Variants in ALMS1 observed in about 807,000 individuals in gnomAD.
ALMS1 encodes ALMS1 centrosome and basal body associated protein, also known as centrosome-associated protein ALMS1.
In ALMS1, 271 loss-of-function variants were observed where a neutral mutation model predicts 352.2. That is an observed-to-expected ratio of 0.77 (90% CI 0.70 to 0.85). The LOEUF (loss-of-function observed/expected upper bound fraction) is 0.85, where lower values mean the gene tolerates loss of function less well. ALMS1 is among the 40% of genes least tolerant of loss of function. ALMS1 has a pLI of 0.00. For synonymous variants in ALMS1, 1,865 were observed against 1,761.2 expected (o/e 1.06, Z -1.48); for missense variants, 5,445 against 4,870.7 (o/e 1.12, Z -3.51).
intron 1 of ALMS1, among the ~76,000 whole-genome samples, chr2:73,389,044 A>G (rs1329633838): frequency 6.6e-6 from 1 of 152,154 alleles, no homozygotes; most frequent in African/African-American, 2.4e-5. Flanking sequence ...GAGTTGAACA[A>G]TTTACATTCC....
chr2:73,431,855 C>T (rs1057370337), intron 6 of ALMS1, among the ~76,000 whole-genome samples: 5 of 152,128 alleles, frequency 3.3e-5, no homozygotes, highest in African/African-American at 9.7e-5. Context: ...TCAAATTCTG[C>T]GATGATCATA....
Position 73,576,786 on chromosome 2 carries a change from A to AT in ALMS1, c.11547+3369dup, listed in dbSNP as rs995802395. 6.6e-5 allele frequency among the ~76,000 whole-genome samples: 10 copies of AT among 151,374 alleles called. No individual in the cohort carries two copies. In the East Asian group the frequency reaches 1.6e-3, roughly 24 times the overall value. ...CAGGTGCCTGACACCATGCCCAGCT[A>AT]TTTTTTTGGATTTTTAGTAGAGACA... On this transcript the variant is annotated intron_variant, in intron 16 of 22. Coordinates refer to ENST00000613296, the MANE Select transcript of ALMS1 (RefSeq NM_001378454.1).
intron 16 of ALMS1, among the ~76,000 whole-genome samples, chr2:73,595,194 TAAA>T (rs1243404115): frequency 6.6e-6 from 1 of 152,206 alleles, no homozygotes; most frequent in Non-Finnish European, 1.5e-5. Flanking sequence ...AGGTATACAA[TAAA>T]ATTTCATCCA....
intron 16 of ALMS1, among the ~76,000 whole-genome samples, chr2:73,582,292 T>G (rs1221074959): frequency 6.6e-6 from 1 of 152,238 alleles, no homozygotes; most frequent in Non-Finnish European, 1.5e-5. Context: ...TGGCTTTTTT[T>G]CATTCTGATG....
intron 9 of ALMS1, among the ~76,000 whole-genome samples, chr2:73,478,684 A>C (rs1252123785): frequency 8.0e-6 from 1 of 124,974 alleles, no homozygotes; most frequent in Non-Finnish European, 1.8e-5. Flanking sequence ...TTATTTATTT[A>C]TTTTACTTTA....
chr2:73,430,351 C>T (rs1213877252), intron 6 of ALMS1, among the ~76,000 whole-genome samples: 1 of 152,224 alleles, frequency 6.6e-6, no homozygotes, highest in Non-Finnish European at 1.5e-5. Flanking sequence ...GCTGGGATTA[C>T]AGGCGTGAAC....
chr2:73,595,417 T>C (rs1224849217), intron 16 of ALMS1, among the ~76,000 whole-genome samples: 2 of 152,236 alleles, frequency 1.3e-5, no homozygotes, highest in African/African-American at 4.8e-5. Context: ...CTTTTGCATC[T>C]GCCTTTTTTT....
intron 13 of ALMS1, among the ~76,000 whole-genome samples, chr2:73,555,903 A>G (rs1674531260): frequency 6.6e-6 from 1 of 152,198 alleles, no homozygotes; most frequent in Non-Finnish European, 1.5e-5. Context: ...AGGTACAGAC[A>G]GTATTGTACC....
At chr2:73,520,071 T>C (rs1673646294) in intron 11 of ALMS1, 55 bp downstream of exon 11, 12 of 1,610,074 alleles carry the variant, frequency 7.5e-6, no homozygotes, top group East Asian at 2.2e-5. Flanking sequence ...TGTGTAGTTA[T>C]CTTAGAAATT....
chr2:73,493,504 C>T (rs545929721), intron 10 of ALMS1, among the ~76,000 whole-genome samples: 12 of 152,046 alleles, frequency 7.9e-5, no homozygotes, highest in Non-Finnish European at 1.5e-4. Context: ...GGGCGGATCA[C>T]CTGAGGTTGA....
At position 73,600,701 on chromosome 2, in the gene ALMS1, G is replaced by A. The variant is rs751575713; in HGVS notation, c.11692G>A (p.Ala3898Thr). ...AGGTAACTTGGAGATTGTGAACGGT[G>A]CCAAAAAACACACTCGAGATGTTGG... Reference protein sequence around the residue: ...QAGNLEIVNGAKKHTRDVGIT... With the variant: ...QAGNLEIVNGTKKHTRDVGIT... Residue 3898 changes from alanine (A) to threonine (T), a missense_variant, in exon 18 of 23, where the codon GCC (alanine) becomes ACC (threonine). Coordinates refer to ENST00000613296, the MANE Select transcript of ALMS1 (RefSeq NM_001378454.1). 1.2e-6 allele frequency: 2 copies of A among 1,613,912 alleles called. No individual in the cohort carries two copies. Among genetic ancestry groups the A allele is most frequent in the South Asian group, 1.1e-5 (1 of 91,038 alleles).
intron 12 of ALMS1, among the ~76,000 whole-genome samples, chr2:73,541,682 G>A (rs1171931586): frequency 2.6e-5 from 4 of 151,886 alleles, no homozygotes; most frequent in African/African-American, 9.7e-5. Flanking sequence ...ATGATAAAGG[G>A]GATATCACCA....
chr2:73,535,751 G>A (rs1338386004), intron 12 of ALMS1, among the ~76,000 whole-genome samples: 1 of 152,192 alleles, frequency 6.6e-6, no homozygotes, highest in East Asian at 1.9e-4. Context: ...AGTTAAGGGT[G>A]CAGAGTTAGT....
intron 21 of ALMS1, among the ~76,000 whole-genome samples, chr2:73,607,625 A>G (rs923414419): frequency 1.3e-5 from 2 of 151,304 alleles, no homozygotes; most frequent in African/African-American, 2.4e-5. Context: ...GCTCTTATCC[A>G]TCATTATTAT....
intron 11 of ALMS1, among the ~76,000 whole-genome samples, chr2:73,528,591 T>C (rs141837731): frequency 1.2e-4 from 19 of 152,326 alleles, no homozygotes; most frequent in Admixed American, 1.1e-3. Flanking sequence ...TTCCATCCTG[T>C]TATTTTTAGT....
intron 2 of ALMS1, among the ~76,000 whole-genome samples, chr2:73,410,751 C>T (rs1343073571): frequency 3.3e-5 from 5 of 152,086 alleles, no homozygotes; most frequent in Non-Finnish European, 5.9e-5. Context: ...AGAAATGAAA[C>T]GATCATGAGC....
intron 16 of ALMS1, among the ~76,000 whole-genome samples, chr2:73,593,191 GAAAAAA>G (rs1001144321): frequency 1.5e-5 from 2 of 133,898 alleles, no homozygotes; most frequent in Admixed American, 7.5e-5. Flanking sequence ...ATGGATTCAG[GAAAAAA>G]AAAAAAAAAA....
At chr2:73,557,030 T>C (rs1238513444) in intron 13 of ALMS1, among the ~76,000 whole-genome samples, 190 bp from the exon 14 acceptor site, 1 of 152,160 alleles carries the variant, frequency 6.6e-6, no homozygotes, top group Non-Finnish European at 1.5e-5. Flanking sequence ...TAAACTGTTG[T>C]TGTACACAGT....
At position 73,490,858 on chromosome 2, in the gene ALMS1, G is replaced by A. The variant is rs561233377; in HGVS notation, c.8899G>A (p.Glu2967Lys). Residue 2967 changes from glutamate to lysine, a missense_variant, in exon 10 of 23, where the codon GAA becomes AAA. Physicochemically the swap from Glu to Lys is moderately conservative, Grantham distance 56. Coordinates refer to ENST00000613296, the MANE Select transcript of ALMS1 (RefSeq NM_001378454.1). ...ASDLPSPISL[E>K]QCQSKAPGVD... ...AGACCTTCCGTCTCCCATTTCTCTTGAACAATGCCAAAGCAAAGCGCCAGG... is the reference window on the plus strand; with the variant it reads ...AGACCTTCCGTCTCCCATTTCTCTTAAACAATGCCAAAGCAAAGCGCCAGG... 6.2e-7 allele frequency: 1 copy of A among 1,613,796 alleles called. No homozygotes were observed. Among genetic ancestry groups the A allele is most frequent in the East Asian group, 2.2e-5 (1 of 44,830 alleles).
Sources: allele counts gnomAD v4.1 joint callset (sites outside exome capture counted in the v4.1 genomes callset), GRCh38; gene constraint gnomAD v4.1.1; transcripts MANE v1.5; gene names NCBI Gene and HGNC (gene_info 2026-07-23, HGNC 2026-07-21).